The following SMPD3 variants were observed in gnomAD, a reference collection of about 807,000 sequenced individuals.
SMPD3 encodes sphingomyelin phosphodiesterase 3.
In SMPD3, 21 loss-of-function variants were observed where a neutral mutation model predicts 55.7. The observed-to-expected ratio is 0.38, with a 90% CI of 0.27 to 0.54. The LOEUF (loss-of-function observed/expected upper bound fraction) is 0.54, where lower values mean the gene tolerates loss of function less well. SMPD3 is among the 20% of genes least tolerant of loss of function. SMPD3 has a pLI of 0.80. For missense variants in SMPD3, 842 were observed against 899.6 expected (o/e 0.94, Z 0.82); for synonymous variants, 457 against 404.3 (o/e 1.13, Z -1.56).
intron 1 of SMPD3, among the ~76,000 whole-genome samples, chr16:68,441,586 A>AT (rs1160570952): frequency 6.6e-6 from 1 of 152,066 alleles, no homozygotes; most frequent in Non-Finnish European, 1.5e-5. Flanking sequence ...AACATTTTAC[A>AT]TTTTTTATAC....
At chr16:68,431,505 C>T (rs1221292677) in intron 1 of SMPD3, among the ~76,000 whole-genome samples, 1 of 152,102 alleles carries the variant, frequency 6.6e-6, no homozygotes, top group Non-Finnish European at 1.5e-5. Flanking sequence ...CATGGACTCC[C>T]ATTTATAATG....
At chr16:68,434,386 C>G (rs950687377) in intron 1 of SMPD3, among the ~76,000 whole-genome samples, 3 of 152,204 alleles carry the variant, frequency 2.0e-5, no homozygotes, top group Non-Finnish European at 4.4e-5. Flanking sequence ...ACAATTGCTC[C>G]TATGAATATA....
At chr16:68,409,966 C>T (rs1236570486) in intron 1 of SMPD3, among the ~76,000 whole-genome samples, 3 of 152,214 alleles carry the variant, frequency 2.0e-5, no homozygotes, top group African/African-American at 7.2e-5. Context: ...ACCTACCTGA[C>T]AAGAGGTTTC....
chr16:68,376,271 G>T (rs1375145624), intron 2 of SMPD3, among the ~76,000 whole-genome samples: 3 of 152,184 alleles, frequency 2.0e-5, no homozygotes, highest in African/African-American at 7.2e-5. Context: ...CGGGCCTGCT[G>T]CGTGGTGGTG....
intron 2 of SMPD3, among the ~76,000 whole-genome samples, chr16:68,374,838 T>G (rs1414447624): frequency 6.6e-6 from 1 of 152,134 alleles, no homozygotes; most frequent in Non-Finnish European, 1.5e-5. Context: ...CTGTCTCTGG[T>G]GGACCAGCTG....
chr16:68,361,413 C>T (rs1456115059), intron 8 of SMPD3, 106 bp from the exon 9 acceptor site: 1 of 1,379,984 alleles, frequency 7.2e-7, no homozygotes, highest in Non-Finnish European at 1.0e-6. Flanking sequence ...CTGGGGTGGG[C>T]TGGGACCTTC....
chr16:68,378,758 A>T (rs918369928), intron 2 of SMPD3, among the ~76,000 whole-genome samples: 2 of 152,124 alleles, frequency 1.3e-5, no homozygotes, highest in African/African-American at 4.8e-5. Context: ...ACCCAGCTAG[A>T]CTACCCTAAG....
intron 2 of SMPD3, among the ~76,000 whole-genome samples, chr16:68,380,055 G>C (rs1203474216): frequency 6.6e-6 from 1 of 152,244 alleles, no homozygotes; most frequent in African/African-American, 2.4e-5. Flanking sequence ...TGAGTTTGAA[G>C]ACCTGACTGC....
intron 1 of SMPD3, among the ~76,000 whole-genome samples, chr16:68,442,125 G>A (rs573990763): frequency 6.6e-6 from 1 of 152,276 alleles, no homozygotes; most frequent in South Asian, 2.1e-4. Context: ...CTATGTTAAC[G>A]GAAATGTATC....
chr16:68,366,002 C>G (rs2089467988), intron 3 of SMPD3, among the ~76,000 whole-genome samples: 1 of 152,238 alleles, frequency 6.6e-6, no homozygotes, highest in South Asian at 2.1e-4. Flanking sequence ...TCCTCATCCC[C>G]TGCCCCTGGG....
chr16:68,380,294 A>T (rs763166132), intron 2 of SMPD3, among the ~76,000 whole-genome samples: 4 of 152,260 alleles, frequency 2.6e-5, no homozygotes, highest in Non-Finnish European at 5.9e-5. Context: ...CTATGCCCTC[A>T]TGGAGGCTGA....
chr16:68,362,606 C>G (rs2151971487), intron 7 of SMPD3, among the ~76,000 whole-genome samples: 1 of 152,350 alleles, frequency 6.6e-6, no homozygotes, highest in East Asian at 1.9e-4. Flanking sequence ...GCAAAGGCCG[C>G]CAGGTCTGTG....
intron 1 of SMPD3, among the ~76,000 whole-genome samples, chr16:68,399,992 G>C (rs542043778): frequency 2.6e-5 from 4 of 152,338 alleles, no homozygotes; most frequent in Admixed American, 2.6e-4. Flanking sequence ...TCCATAGCAG[G>C]GCAGCTACTA....
At chr16:68,415,412 C>T (rs776190944) in intron 1 of SMPD3, among the ~76,000 whole-genome samples, 1 of 152,152 alleles carries the variant, frequency 6.6e-6, no homozygotes. Flanking sequence ...TCTGCCCGTT[C>T]AGCAATGCTG....
intron 2 of SMPD3, among the ~76,000 whole-genome samples, chr16:68,382,828 G>T (rs1466028088): frequency 1.3e-5 from 2 of 152,056 alleles, no homozygotes; most frequent in Non-Finnish European, 1.5e-5. Context: ...TAGTTTTTTT[G>T]TTTGTTTTGT....
intron 1 of SMPD3, among the ~76,000 whole-genome samples, chr16:68,402,898 T>C (rs148065985): frequency 6.6e-4 from 101 of 152,378 alleles, no homozygotes; most frequent in Admixed American, 2.2e-3. Context: ...AGGAAGACGC[T>C]GAGAAGGGCT....
chr16:68,362,373 A>G (rs1427878106), intron 7 of SMPD3, among the ~76,000 whole-genome samples: 2 of 152,212 alleles, frequency 1.3e-5, no homozygotes, highest in East Asian at 3.8e-4. Context: ...GGGGATCCAC[A>G]GGGAGGGCAG....
In SMPD3 at chr16:68,404,939, G is replaced by C. The variant is rs1247440803; in HGVS notation, c.-268-18280C>G. 1.3e-5 allele frequency among the ~76,000 whole-genome samples: 2 copies of C among 152,228 alleles called. No homozygotes were observed. Among genetic ancestry groups the C allele is most frequent in the African/African-American group, 4.8e-5 (2 of 41,462 alleles). The stretch of plus-strand genomic sequence containing the variant: ...CATGTGTGCAGACTTGCCAGGCCCT[G>C]TGGGCCAAGCGGATGTAGGACCTGG... On this transcript the variant is annotated intron_variant, in intron 1 of 8. Transcript: ENST00000219334. This position sits in a 1 kb window ranked among gnomAD's most constrained non-coding sequence, Gnocchi z 4.0.
chr16:68,413,612 C>T (rs565314169), intron 1 of SMPD3, among the ~76,000 whole-genome samples: 14 of 152,278 alleles, frequency 9.2e-5, no homozygotes, highest in African/African-American at 3.1e-4. Flanking sequence ...GATATATGGA[C>T]TCAGAACTCC....
Sources: allele counts gnomAD v4.1 joint callset (sites outside exome capture counted in the v4.1 genomes callset), GRCh38; gene constraint gnomAD v4.1.1; non-coding constraint Gnocchi (gnomAD v3.1); transcripts MANE v1.5; gene names NCBI Gene and HGNC (gene_info 2026-07-23, HGNC 2026-07-21).